The following CIMIP6 variants were observed in gnomAD, a reference collection of about 807,000 sequenced individuals.
CIMIP6 encodes ciliary microtubule inner protein 6.
chr2:54,361,367 T>G, the CIMIP6 span: 2 of 152,328 alleles, frequency 1.3e-5, 1 homozygote, highest in Non-Finnish European at 2.9e-5. Context: ...CTACTTCCAA[T>G]TTGGTGTGTT....
chr2:54,332,204 A>G, the CIMIP6 span, among the ~76,000 whole-genome samples: 1 of 152,040 alleles, frequency 6.6e-6, no homozygotes, highest in Non-Finnish European at 1.5e-5. Context: ...TTCATTTGCC[A>G]CCTTCACAAT....
chr2:54,381,906 G>T, the CIMIP6 span: 8 of 1,550,568 alleles, frequency 5.2e-6, no homozygotes, highest in Non-Finnish European at 6.1e-6. Flanking sequence ...AGTGCAGGAA[G>T]AAAAGGAACA....
chr2:54,355,941 A>G, the CIMIP6 span, among the ~76,000 whole-genome samples: 6 of 152,134 alleles, frequency 3.9e-5, no homozygotes, highest in Non-Finnish European at 8.8e-5. Context: ...ATATTCCCCT[A>G]GGGGAATCAG....
the CIMIP6 span, among the ~76,000 whole-genome samples, chr2:54,378,782 G>A: frequency 5.3e-5 from 8 of 152,130 alleles, no homozygotes; most frequent in East Asian, 5.8e-4. Flanking sequence ...GTCCCAGCTC[G>A]GTTCCCAAAA....
chr2:54,358,861 ATTTAG>A, the CIMIP6 span: 8 of 545,072 alleles, frequency 1.5e-5, no homozygotes, highest in East Asian at 2.6e-4. Context: ...TACTTCAAGA[ATTTAG>A]TTTTGTTACC....
chr2:54,357,727 C>G, the CIMIP6 span, among the ~76,000 whole-genome samples: 1 of 148,930 alleles, frequency 6.7e-6, no homozygotes, highest in Non-Finnish European at 1.5e-5. Context: ...TAGGCGTTCA[C>G]CACCACGCCC....
chr2:54,357,973 G>T, the CIMIP6 span, among the ~76,000 whole-genome samples: 2 of 152,076 alleles, frequency 1.3e-5, no homozygotes, highest in African/African-American at 2.4e-5. Context: ...AGTACTGAAA[G>T]TTGCTCTGAT....
the CIMIP6 span, among the ~76,000 whole-genome samples, chr2:54,342,033 TC>T: frequency 1.6e-4 from 25 of 152,158 alleles, no homozygotes; most frequent in Non-Finnish European, 3.1e-4. Flanking sequence ...CATTAGCCAA[TC>T]TATTCTCCAA....
At chr2:54,370,688 G>A in the CIMIP6 span, among the ~76,000 whole-genome samples, 1 of 152,144 alleles carries the variant, frequency 6.6e-6, no homozygotes, top group Non-Finnish European at 1.5e-5. Context: ...GTTCTGTTGC[G>A]GGGGCCTGCT....
the CIMIP6 span, among the ~76,000 whole-genome samples, chr2:54,369,702 T>C: frequency 1.3e-5 from 2 of 152,198 alleles, no homozygotes; most frequent in South Asian, 2.1e-4. Context: ...TTTTCTGATA[T>C]ATGATTTCCC....
the CIMIP6 span, among the ~76,000 whole-genome samples, chr2:54,347,263 G>A: frequency 6.6e-6 from 1 of 152,100 alleles, no homozygotes; most frequent in Non-Finnish European, 1.5e-5. Context: ...AAATCTTGAA[G>A]GATTTTGCAT....
chr2:54,369,227 G>C, the CIMIP6 span, among the ~76,000 whole-genome samples: 12 of 152,208 alleles, frequency 7.9e-5, no homozygotes, highest in Non-Finnish European at 1.0e-4. Flanking sequence ...TATTTGGTGT[G>C]TATGTGTGTC....
chr2:54,350,016 AT>A, the CIMIP6 span, among the ~76,000 whole-genome samples: 1 of 151,952 alleles, frequency 6.6e-6, no homozygotes, highest in Non-Finnish European at 1.5e-5. Flanking sequence ...TGCCCGGCTA[AT>A]TTTTTAAAAA....
At chr2:54,381,960 T>C in the CIMIP6 span, 5 of 1,547,854 alleles carry the variant, frequency 3.2e-6, no homozygotes, top group Non-Finnish European at 4.4e-6. Flanking sequence ...CATGCCATCT[T>C]ATTTTCTCCT....
chr2:54,383,867 C>A, the CIMIP6 span: 2 of 152,058 alleles, frequency 1.3e-5, no homozygotes, highest in African/African-American at 4.8e-5. Context: ...ATTTCAGGAG[C>A]GATTTTCTTA....
chr2:54,372,589 C>G, the CIMIP6 span, among the ~76,000 whole-genome samples: 116 of 152,288 alleles, frequency 7.6e-4, 1 homozygote, highest in African/African-American at 2.2e-3. Flanking sequence ...TTTGACTACT[C>G]TGGGGCTGCT....
chr2:54,331,250 C>T, the CIMIP6 span, among the ~76,000 whole-genome samples: 1 of 152,188 alleles, frequency 6.6e-6, no homozygotes, highest in East Asian at 1.9e-4. Flanking sequence ...CACTCCTTCT[C>T]ACAATTATTA....
At chr2:54,343,926 C>G in the CIMIP6 span, 2 of 1,424,858 alleles carry the variant, frequency 1.4e-6, no homozygotes, top group Admixed American at 5.2e-5. Context: ...TTATTGCTAC[C>G]AAAACTAAGA....
At chr2:54,381,383 C>T in the CIMIP6 span, among the ~76,000 whole-genome samples, 1 of 152,218 alleles carries the variant, frequency 6.6e-6, no homozygotes, top group African/African-American at 2.4e-5. Flanking sequence ...AAAGGCTCCA[C>T]AAATCAAAGG....
Sources: gnomAD v4.1 joint callset for allele counts (sites outside exome capture counted in the v4.1 genomes callset) on GRCh38, gnomAD v4.1.1 for gene constraint, MANE v1.5 for transcripts, NCBI Gene and HGNC (gene_info 2026-07-23, HGNC 2026-07-21) for gene names.